LRRC71: variants seen among roughly 807,000 people sequenced by gnomAD.
LRRC71 encodes leucine-rich repeat-containing protein 71.
LRRC71 carries 54 observed loss-of-function variants against 66.6 expected under a neutral mutation model. That is an observed-to-expected ratio of 0.81 (90% confidence interval 0.65 to 1.02). The LOEUF (loss-of-function observed/expected upper bound fraction) is 1.02. Ranked by LOEUF, LRRC71 falls within the 50% of genes least tolerant of loss-of-function variation. LRRC71 has a pLI of 0.00. For missense variants in LRRC71, 724 were observed against 718.0 expected, an observed-to-expected ratio of 1.01 and a Z score of -0.10; for synonymous variants, 323 against 303.9, an observed-to-expected ratio of 1.06 and a Z score of -0.65.
chr1:156,929,452 C>T (rs1474073909), intron 10 of LRRC71, 23 bp downstream of exon 10: 2 of 1,613,506 alleles, frequency 1.2e-6, no homozygotes, highest in African/African-American at 2.7e-5. Context: ...TGGGACAGAT[C>T]CTGGGTGCTG....
the LRRC71 span, chr1:156,940,158 G>A: frequency 3.9e-6 from 6 of 1,522,462 alleles, no homozygotes; most frequent in African/African-American, 6.9e-5. Context: ...TTCACACTGG[G>A]TGTGCGACTG....
chr1:156,931,699 C>T (rs1358482406), intron 12 of LRRC71, among the ~76,000 whole-genome samples: 1 of 152,144 alleles, frequency 6.6e-6, no homozygotes, highest in Non-Finnish European at 1.5e-5. Context: ...CCTCTGTCAG[C>T]GCTCACTCCA....
At chr1:156,936,748 T>G, downstream of LRRC71, 2 of 1,523,004 alleles carry the variant, frequency 1.3e-6, no homozygotes, top group Non-Finnish European at 8.9e-7. Context: ...TGCTTAGTGA[T>G]GTGTCCTCAC....
chr1:156,930,546 C>G lies in LRRC71; in HGVS notation c.1258C>G (p.Gln420Glu). 2 of 1,565,638 alleles carry G rather than the reference C, an allele frequency of 1.3e-6. No individual in the cohort carries two copies. Among genetic ancestry groups the G allele is most frequent in the Non-Finnish European group, 1.7e-6 (2 of 1,155,044 alleles). Residue 420 changes from glutamine (Q) to glutamate (E), a missense_variant, in exon 12 of 15, where the codon CAG (glutamine) becomes GAG (glutamate). Transcript: ENST00000337428. Reference protein sequence around the residue: ...AGKGKVTIPEQKPSRAKGIKI... With the variant: ...AGKGKVTIPEEKPSRAKGIKI... ...GGCCCCAGAGGTAACCATCCCTGAA[C>G]AGAAGCCAAGCAGGGCAAAAGGGAT... is the stretch of plus-strand genomic sequence containing the variant.
intron 1 of LRRC71, among the ~76,000 whole-genome samples, chr1:156,923,661 T>G (rs1558165748): frequency 6.6e-6 from 1 of 151,232 alleles, no homozygotes; most frequent in African/African-American, 2.4e-5. Context: ...GGGCTGGGAG[T>G]GGAGAGCAGG....
Position 156,923,968 on chromosome 1 carries a change from G to C in LRRC71, c.180G>C (p.Gly60=), listed in dbSNP as rs1205274618. 6 of 1,528,904 alleles carry C rather than the reference G, an allele frequency of 3.9e-6. No homozygotes were observed. Among genetic ancestry groups the C allele is most frequent in the Non-Finnish European group, 5.3e-6 (6 of 1,135,472 alleles). The allele number at this position is 1,528,904 out of a possible 1,614,324, so 94.7% of individuals were successfully genotyped here. The change falls in exon 2 of 15, where the codon GGG becomes GGC. Residue 60 remains glycine (G), a synonymous_variant. Transcript: ENST00000337428. The part of the protein sequence containing the change: ...PKSPEEYQCS[G]VLETDFAELC... ...CCGCAGAGGAGTACCAGTGCTCCGG[G>C]GTCCTCGAGACCGACTTCGCCGAGC...
chr1:156,936,495 AAAATATATATATATAT>A (rs1655259063), downstream of LRRC71, among the ~76,000 whole-genome samples: 2 of 57,094 alleles, frequency 3.5e-5, no homozygotes, highest in African/African-American at 8.1e-5. Context: ...AAAAAAAAAA[AAAATATATATATATAT>A]ATATATATAT....
chr1:156,926,260 G>C (rs1210443093), intron 5 of LRRC71, among the ~76,000 whole-genome samples: 1 of 152,194 alleles, frequency 6.6e-6, no homozygotes, highest in African/African-American at 2.4e-5. Context: ...GATGACCTGG[G>C]GGTGGGCTAG....
downstream of LRRC71, chr1:156,935,026 G>A (rs6676): frequency 0.18 from 26,506 of 150,570 alleles, 2,358 homozygotes; most frequent in East Asian, 0.31. Context: ...ATTCATCAGG[G>A]AGAGTTGGGT....
downstream of LRRC71, among the ~76,000 whole-genome samples, chr1:156,934,535 A>T (rs538878942): frequency 6.6e-6 from 1 of 152,092 alleles, no homozygotes; most frequent in African/African-American, 2.4e-5. Flanking sequence ...ATGTGTATAT[A>T]TATGTGTGTG....
intron 1 of LRRC71, among the ~76,000 whole-genome samples, chr1:156,922,276 C>G (rs1013639457): frequency 5.5e-4 from 83 of 152,166 alleles, no homozygotes; most frequent in African/African-American, 1.9e-3. Context: ...CAGGATCCAG[C>G]CTTACAGGTT....
At position 156,924,349 on chromosome 1, in the gene LRRC71, C is replaced by T. The variant is rs1018983780; in HGVS notation, c.311-75C>T. 2.0e-6 allele frequency: 3 copies of T among 1,506,698 alleles called. No individual in the cohort carries two copies. In the African/African-American group the frequency reaches 4.1e-5, roughly 21 times the overall value. 93.3% of individuals were successfully genotyped at this position (1,506,698 alleles called of 1,614,324 possible). A position where few individuals can be genotyped will look rare whatever the true frequency, so the allele number is the denominator to read the frequency against. ...TCTGGCGGTGTCCTCCAATCCCACCCGGGCACCCGTGGGCCGGCCCGGCGT... is the reference window on the plus strand; with the variant it reads ...TCTGGCGGTGTCCTCCAATCCCACCTGGGCACCCGTGGGCCGGCCCGGCGT... On this transcript the variant is annotated intron_variant, in intron 2 of 14. Coordinates refer to ENST00000337428, the MANE Select transcript of LRRC71 (RefSeq NM_144702.3).
In LRRC71 at chr1:156,923,940, C is replaced by A; in HGVS notation, c.161-9C>A. 6.8e-7 allele frequency: 1 copy of A among 1,469,946 alleles called. No homozygotes were observed. Among genetic ancestry groups the A allele is most frequent in the South Asian group, 1.4e-5 (1 of 72,228 alleles). 91.1% of individuals were successfully genotyped at this position (1,469,946 alleles called of 1,614,324 possible). ...GCCCCTTCTCTCACGCCCCTGCCTGCCCCCGCAGAGGAGTACCAGTGCTCC... is the reference window on the plus strand; with the variant it reads ...GCCCCTTCTCTCACGCCCCTGCCTGACCCCGCAGAGGAGTACCAGTGCTCC... On this transcript the variant is annotated splice_polypyrimidine_tract_variant and intron_variant, in intron 1 of 14. Coordinates refer to ENST00000337428, the MANE Select transcript of LRRC71 (RefSeq NM_144702.3).
rs74116928 is a variant in LRRC71 at position 156,929,784 on chromosome 1, C to T, written c.1240+55C>T. 2.7e-3 allele frequency: 3,901 copies of T among 1,455,922 alleles called. 83 individuals carry two copies. The African/African-American group carries it at 0.049, about 18-fold the overall frequency. 90.2% of individuals were successfully genotyped at this position (1,455,922 alleles called of 1,614,324 possible). A position where few individuals can be genotyped will look rare whatever the true frequency, so the allele number is the denominator to read the frequency against. On this transcript the variant is annotated intron_variant, in intron 11 of 14. Transcript: ENST00000337428. ...TCCTGTGTGGAGGAGGGAAGAGTGCCGGGCCGGGTGCAGGAAGCTGTTCTG... is the reference window on the plus strand; with the variant it reads ...TCCTGTGTGGAGGAGGGAAGAGTGCTGGGCCGGGTGCAGGAAGCTGTTCTG...
At chr1:156,935,850 G>C (rs1654944764), downstream of LRRC71, 1 of 851,402 alleles carries the variant, frequency 1.2e-6, no homozygotes, top group Admixed American at 3.0e-5. Flanking sequence ...GCAACATGCG[G>C]GTCTCCCCCC....
At chr1:156,928,722 C>T (rs1259301867) in intron 9 of LRRC71, among the ~76,000 whole-genome samples, 2 of 151,574 alleles carry the variant, frequency 1.3e-5, no homozygotes, top group Non-Finnish European at 1.5e-5. Flanking sequence ...AGGTATGTGC[C>T]ACCATGCCCA....
chr1:156,927,467 G>C (rs1439980258), intron 6 of LRRC71, 29 bp from the exon 7 acceptor site: 1 of 1,519,190 alleles, frequency 6.6e-7, no homozygotes, highest in African/African-American at 1.4e-5. Context: ...CTTTTCCAGC[G>C]ACCCACATTC....
the LRRC71 span, chr1:156,939,620 C>G: frequency 6.2e-7 from 1 of 1,613,682 alleles, no homozygotes; most frequent in Non-Finnish European, 8.5e-7. Context: ...CTGTCCAGTT[C>G]TGGAGACTCC....
chr1:156,930,239 C>T lies in LRRC71; in HGVS notation c.1241-290C>T, dbSNP rs561978597. Among the ~76,000 whole-genome samples, 11 of 151,664 alleles carry T rather than the reference C, an allele frequency of 7.3e-5. No individual in the cohort carries two copies. In the East Asian group the frequency reaches 1.4e-3, roughly 19 times the overall value. On this transcript the variant is annotated intron_variant, in intron 11 of 14. Coordinates refer to ENST00000337428, the MANE Select transcript of LRRC71 (RefSeq NM_144702.3). The stretch of plus-strand genomic sequence containing the variant: ...TACCCAGTAGCTGGGATTACAGGTG[C>T]GTGCCACCACGCCCAGCTAATTTTT...
Sources: gnomAD v4.1 joint callset for allele counts (sites outside exome capture counted in the v4.1 genomes callset) on GRCh38, gnomAD v4.1.1 for gene constraint, MANE v1.5 for transcripts, NCBI Gene and HGNC (gene_info 2026-07-23, HGNC 2026-07-21) for gene names.